TDRD9: variants seen among roughly 807,000 people sequenced by gnomAD.
The protein encoded by TDRD9 is ATP-dependent RNA helicase TDRD9.
In TDRD9, 124 loss-of-function variants were observed where a neutral mutation model predicts 172.6. The ratio of observed to expected loss-of-function variants is 0.72; its 90% CI spans 0.62 to 0.83. The LOEUF (loss-of-function observed/expected upper bound fraction) is 0.83. Among genes scored for constraint, TDRD9 ranks in the 40% least tolerant of loss-of-function variants. The pLI, the probability that TDRD9 is intolerant of heterozygous loss-of-function variation, is 0.00. For missense variants in TDRD9, 1,479 were observed against 1,714.1 expected (o/e 0.86, Z 2.42); for synonymous variants, 619 against 617.1 (o/e 1.00, Z -0.05).
intron 7 of TDRD9, among the ~76,000 whole-genome samples, chr14:103,976,574 C>G (rs1322112502): frequency 6.6e-6 from 1 of 152,028 alleles, no homozygotes; most frequent in South Asian, 2.1e-4. Flanking sequence ...CCATTCATCT[C>G]TTAATGTACA....
At chr14:104,004,749 C>G (rs980569129) in intron 14 of TDRD9, among the ~76,000 whole-genome samples, 7 of 152,098 alleles carry the variant, frequency 4.6e-5, no homozygotes, top group Non-Finnish European at 8.8e-5. Flanking sequence ...GCCACATTCC[C>G]CCTCACTCAC....
intron 32 of TDRD9, among the ~76,000 whole-genome samples, chr14:104,038,010 G>A (rs1031450159): frequency 6.6e-6 from 1 of 152,202 alleles, no homozygotes; most frequent in Non-Finnish European, 1.5e-5. Context: ...CAGGATGGGA[G>A]CAGACATCTG....
At chr14:103,940,876 T>G (rs901445731) in intron 1 of TDRD9, 45 of 1,535,368 alleles carry the variant, frequency 2.9e-5, no homozygotes, top group Non-Finnish European at 3.7e-5. Flanking sequence ...GTCCTTTGTG[T>G]TTTTGTCTAC....
At chr14:104,047,273 G>A (rs530514987) in intron 34 of TDRD9, among the ~76,000 whole-genome samples, 2 of 152,028 alleles carry the variant, frequency 1.3e-5, no homozygotes, top group East Asian at 3.9e-4. Context: ...TCTTAATTTT[G>A]TTTTTGAATT....
chr14:103,987,486 T>G (rs2033714234), intron 8 of TDRD9, among the ~76,000 whole-genome samples: 1 of 152,236 alleles, frequency 6.6e-6, no homozygotes, highest in African/African-American at 2.4e-5. Context: ...TTTTCTGATT[T>G]CCATTTTGAT....
chr14:103,979,132 C>G (rs1025571570), intron 7 of TDRD9, among the ~76,000 whole-genome samples: 2 of 152,180 alleles, frequency 1.3e-5, no homozygotes, highest in African/African-American at 4.8e-5. Flanking sequence ...CACATGAGAA[C>G]ATGTGGTATT....
intron 32 of TDRD9, 69 bp from the exon 33 acceptor site, chr14:104,040,127 T>C: frequency 7.8e-7 from 1 of 1,284,628 alleles, no homozygotes; most frequent in Non-Finnish European, 1.0e-6. Flanking sequence ...ATCGGTCAAT[T>C]TTTACATGCT....
chr14:103,938,430 A>ATTT (rs1566723244), intron 1 of TDRD9, among the ~76,000 whole-genome samples: 4 of 39,928 alleles, frequency 1.0e-4, no homozygotes, highest in African/African-American at 4.3e-4. Flanking sequence ...ATATATATAT[A>ATTT]TATATATATA....
chr14:104,045,347 A>ATG (rs1458956776), intron 34 of TDRD9, among the ~76,000 whole-genome samples: 3 of 148,130 alleles, frequency 2.0e-5, no homozygotes, highest in Non-Finnish European at 4.5e-5. Flanking sequence ...ATGACTAATG[A>ATG]TGTAGAGCAA....
intron 1 of TDRD9, chr14:103,941,403 A>G (rs1022241335): frequency 3.3e-6 from 5 of 1,533,756 alleles, no homozygotes; most frequent in Non-Finnish European, 4.4e-6. Flanking sequence ...TTACCTGCTG[A>G]GAATAGTTCC....
At chr14:104,011,560 C>T (rs940234558) in intron 20 of TDRD9, among the ~76,000 whole-genome samples, 3 of 152,094 alleles carry the variant, frequency 2.0e-5, no homozygotes, top group African/African-American at 7.2e-5. Flanking sequence ...TTTCAATACC[C>T]CTGGTAGTTA....
At position 104,047,934 on chromosome 14, in the gene TDRD9, C is replaced by G. The variant is rs189923697; in HGVS notation, c.3975-1674C>G. ...CCTATTTTTAAAAAACTTCTTGGCA[C>G]CTGTTCACAGTGGCTGCCTTGAGGT... On this transcript the variant is annotated intron_variant, in intron 34 of 35. Coordinates refer to ENST00000409874, the MANE Select transcript of TDRD9 (RefSeq NM_153046.3). 3.5e-4 allele frequency among the ~76,000 whole-genome samples: 53 copies of G among 152,280 alleles called. No individual in the cohort carries two copies. In the East Asian group the frequency reaches 9.6e-3, roughly 28 times the overall value.
At chr14:103,996,341 A>G (rs953960658) in intron 12 of TDRD9, among the ~76,000 whole-genome samples, 1 of 152,250 alleles carries the variant, frequency 6.6e-6, no homozygotes, top group Admixed American at 6.5e-5. Flanking sequence ...TGAGTAAGAC[A>G]AAGTCCAGTC....
chr14:103,951,142 A>G (rs140332016), intron 1 of TDRD9, among the ~76,000 whole-genome samples: 1 of 152,260 alleles, frequency 6.6e-6, no homozygotes, highest in Non-Finnish European at 1.5e-5. Flanking sequence ...AAAACCAACA[A>G]AAAAAATCCA....
chr14:103,988,871 C>T (rs935619173), intron 8 of TDRD9, among the ~76,000 whole-genome samples: 4 of 151,878 alleles, frequency 2.6e-5, no homozygotes, highest in African/African-American at 4.8e-5. Flanking sequence ...TTTTTGTATC[C>T]GGTTACTTTT....
chr14:104,001,342 C>T (rs61319604), intron 13 of TDRD9, among the ~76,000 whole-genome samples: 57,213 of 152,110 alleles, frequency 0.38, 10,987 homozygotes, highest in African/African-American at 0.43. Flanking sequence ...TTGAAATTAG[C>T]TTTTTCCACT....
chr14:104,011,928 G>T (rs1241798948), intron 20 of TDRD9, among the ~76,000 whole-genome samples: 3 of 152,144 alleles, frequency 2.0e-5, no homozygotes, highest in Non-Finnish European at 4.4e-5. Flanking sequence ...AAAAAAAAGT[G>T]CATGGGAGGA....
chr14:104,047,453 T>G (rs1718938035), intron 34 of TDRD9, among the ~76,000 whole-genome samples: 2 of 152,234 alleles, frequency 1.3e-5, no homozygotes, highest in African/African-American at 4.8e-5. Flanking sequence ...TTTTAAGGCC[T>G]ATTTTGTCTG....
In TDRD9 at chr14:103,994,544, A is replaced by C; in HGVS notation, c.1261A>C (p.Ser421Arg). Reference protein sequence around the residue: ...KRLQVYPLHSSVALEEQNNVF... With the variant: ...KRLQVYPLHSRVALEEQNNVF... The stretch of plus-strand genomic sequence containing the variant: ...GTTGCAGGTCTATCCACTCCATTCA[A>C]GTGTGGCTTTAGAAGAACAGAATAA... The change falls in exon 11 of 36, where the codon AGT becomes CGT. Residue 421 changes from serine to arginine, a missense_variant. Ser to Arg is a moderately radical substitution (Grantham distance 110). Coordinates refer to ENST00000409874, the MANE Select transcript of TDRD9 (RefSeq NM_153046.3). The C allele has an allele frequency of 1.2e-6, 2 of 1,613,924 alleles. No homozygotes were observed. The highest frequency in any genetic ancestry group is 1.7e-6 in the Non-Finnish European group (2 of 1,179,846).
Sources: gnomAD v4.1 joint callset for allele counts (sites outside exome capture counted in the v4.1 genomes callset) on GRCh38, gnomAD v4.1.1 for gene constraint, MANE v1.5 for transcripts, NCBI Gene and HGNC (gene_info 2026-07-23, HGNC 2026-07-21) for gene names.